Variants in TAFA2 observed in about 807,000 individuals in gnomAD.
TAFA2 encodes TAFA chemokine like family member 2.
In TAFA2, 7 loss-of-function variants were observed where a neutral mutation model predicts 18.8. The ratio of observed to expected loss-of-function variants is 0.37; its 90% CI spans 0.21 to 0.70. The LOEUF is 0.70. Ranked by LOEUF, TAFA2 falls within the 30% of genes least tolerant of loss-of-function variation. The pLI, the probability that TAFA2 is intolerant of heterozygous loss-of-function variation, is 0.53. For missense variants in TAFA2, 122 were observed against 158.1 expected (o/e 0.77, Z 1.23); for synonymous variants, 60 against 54.2 (o/e 1.11, Z -0.47).
chr12:61,892,954 C>T (rs1391383937), intron 1 of TAFA2, among the ~76,000 whole-genome samples: 1 of 152,104 alleles, frequency 6.6e-6, no homozygotes. Flanking sequence ...TCAAATTTAA[C>T]TTAAATGCTA....
chr12:61,911,378 C>T (rs1202903859), intron 1 of TAFA2, among the ~76,000 whole-genome samples: 1 of 152,154 alleles, frequency 6.6e-6, no homozygotes, highest in Non-Finnish European at 1.5e-5. Flanking sequence ...TGTCATTTAT[C>T]TTACACTCAT....
chr12:61,760,180 T>C (rs1869470683), intron 2 of TAFA2, among the ~76,000 whole-genome samples: 1 of 151,188 alleles, frequency 6.6e-6, no homozygotes, highest in Non-Finnish European at 1.5e-5. Context: ...TTTGTCCTTC[T>C]TATTAAAACT....
chr12:61,997,165 A>ATGTGTGTGTGTG lies in TAFA2; in HGVS notation c.-1-129740_-1-129739insCACACACACACA, dbSNP rs1280241925. ...TAGATACATACTAGACTATATGTAT[A>ATGTGTGTGTGTG]TATGTGTGTGTGTGTGTGTGTGTGT... On this transcript the variant is annotated intron_variant, in intron 1 of 4. Transcript: ENST00000416284. 7.2e-5 allele frequency among the ~76,000 whole-genome samples: 6 copies of ATGTGTGTGTGTG among 83,770 alleles called. No individual in the cohort carries two copies. In the East Asian group the frequency reaches 1.0e-3, roughly 14 times the overall value. 55.0% of individuals were successfully genotyped at this position (83,770 alleles called of 152,430 possible).
chr12:62,017,937 G>T (rs569730279), intron 1 of TAFA2, among the ~76,000 whole-genome samples: 2 of 152,264 alleles, frequency 1.3e-5, no homozygotes, highest in African/African-American at 4.8e-5. Flanking sequence ...TAATGGGAAA[G>T]CTTCTTATTC....
At chr12:62,024,987 C>T (rs780702716) in intron 1 of TAFA2, among the ~76,000 whole-genome samples, 5 of 152,106 alleles carry the variant, frequency 3.3e-5, no homozygotes, top group East Asian at 1.9e-4. Flanking sequence ...GAAAAGGGAA[C>T]ACACATACAC....
intron 2 of TAFA2, among the ~76,000 whole-genome samples, chr12:61,770,983 C>T (rs944161525): frequency 6.6e-6 from 1 of 152,048 alleles, no homozygotes; most frequent in Non-Finnish European, 1.5e-5. Context: ...AACCAAGTAT[C>T]TGCAGTCTTC....
At chr12:61,945,435 AG>A (rs1878226925) in intron 1 of TAFA2, among the ~76,000 whole-genome samples, 1 of 96,740 alleles carries the variant, frequency 1.0e-5, no homozygotes, top group Admixed American at 1.1e-4. Flanking sequence ...TATTCAACAT[AG>A]TGTTGGAAGT....
chr12:62,113,352 T>C (rs1043870279), intron 1 of TAFA2, among the ~76,000 whole-genome samples: 1 of 152,178 alleles, frequency 6.6e-6, no homozygotes, highest in Non-Finnish European at 1.5e-5. Flanking sequence ...TTCCTTCCTC[T>C]GGAAGCTTCA....
At chr12:61,911,370 T>A (rs1377435019) in intron 1 of TAFA2, among the ~76,000 whole-genome samples, 1 of 152,182 alleles carries the variant, frequency 6.6e-6, no homozygotes, top group Non-Finnish European at 1.5e-5. Flanking sequence ...AACAAACCTG[T>A]CATTTATCTT....
intron 4 of TAFA2, among the ~76,000 whole-genome samples, chr12:61,711,981 T>C (rs1341798868): frequency 6.6e-6 from 1 of 151,896 alleles, no homozygotes; most frequent in Admixed American, 6.6e-5. Flanking sequence ...GCTCCCAAAT[T>C]GAGTATGAAT....
At chr12:62,007,266 A>G (rs1880585060) in intron 1 of TAFA2, among the ~76,000 whole-genome samples, 1 of 152,212 alleles carries the variant, frequency 6.6e-6, no homozygotes, top group East Asian at 1.9e-4. Context: ...TTTAGGGCAT[A>G]AATGTTCCAA....
intron 1 of TAFA2, among the ~76,000 whole-genome samples, chr12:62,086,660 T>C (rs906571133): frequency 1.1e-4 from 16 of 152,000 alleles, no homozygotes; most frequent in Admixed American, 8.5e-4. Flanking sequence ...GGAATGAATG[T>C]TAGTGAGGAT....
chr12:61,990,500 C>A (rs148591750), intron 1 of TAFA2, among the ~76,000 whole-genome samples: 1 of 151,930 alleles, frequency 6.6e-6, no homozygotes, highest in African/African-American at 2.4e-5. Flanking sequence ...CCACCACGTC[C>A]GGCTAATTTT....
At chr12:61,980,713 A>T (rs1054326337) in intron 1 of TAFA2, among the ~76,000 whole-genome samples, 3 of 152,160 alleles carry the variant, frequency 2.0e-5, no homozygotes, top group African/African-American at 7.2e-5. Flanking sequence ...CACAATTGCT[A>T]CAAAGAGAAT....
At chr12:62,208,605 CT>C (rs2062701420) in intron 1 of TAFA2, among the ~76,000 whole-genome samples, 1 of 89,006 alleles carries the variant, frequency 1.1e-5, no homozygotes, top group African/African-American at 4.4e-5. Context: ...TAGGCAGGGA[CT>C]GATAAATTCC....
At chr12:62,108,480 A>G (rs762962398) in intron 1 of TAFA2, among the ~76,000 whole-genome samples, 22 of 152,278 alleles carry the variant, frequency 1.4e-4, no homozygotes, top group Admixed American at 3.3e-4. Flanking sequence ...AGTAGAATTT[A>G]TAATCCTTTG....
At chr12:61,804,124 A>G (rs1309819834) in intron 2 of TAFA2, among the ~76,000 whole-genome samples, 1 of 149,888 alleles carries the variant, frequency 6.7e-6, no homozygotes, top group Non-Finnish European at 1.5e-5. Context: ...GATTCTTGTG[A>G]GACCTGGAGT....
intron 1 of TAFA2, among the ~76,000 whole-genome samples, chr12:61,871,874 C>T (rs1003049019): frequency 6.6e-6 from 1 of 152,140 alleles, no homozygotes; most frequent in Admixed American, 6.5e-5. Flanking sequence ...GGGTGGATCA[C>T]AAGGTCAGGA....
intron 2 of TAFA2, among the ~76,000 whole-genome samples, chr12:61,777,971 C>T (rs989207036): frequency 2.6e-5 from 4 of 151,642 alleles, no homozygotes; most frequent in Admixed American, 2.0e-4. Context: ...CTCACAAATG[C>T]CTCCTGAGGA....
Sources: gnomAD v4.1 joint callset for allele counts (sites outside exome capture counted in the v4.1 genomes callset) on GRCh38, gnomAD v4.1.1 for gene constraint, MANE v1.5 for transcripts, NCBI Gene and HGNC (gene_info 2026-07-23, HGNC 2026-07-21) for gene names.